The following PRELID2 variants were observed in gnomAD, a reference collection of about 807,000 sequenced individuals.
PRELID2 encodes PRELI domain-containing protein 2.
In PRELID2, 25 loss-of-function variants were observed where a neutral mutation model predicts 28.4. The ratio of observed to expected loss-of-function variants is 0.88; its 90% confidence interval spans 0.64 to 1.23. PRELID2 has a LOEUF of 1.23. Among genes scored for constraint, PRELID2 ranks in the 50% most tolerant of loss-of-function variants. The pLI is 0.00. For missense variants in PRELID2, 201 were observed against 214.4 expected (o/e 0.94, Z 0.39); for synonymous variants, 76 against 71.6 (o/e 1.06, Z -0.31).
chr5:145,514,547 T>C (rs1454600809), intron 1 of PRELID2, among the ~76,000 whole-genome samples: 1 of 152,108 alleles, frequency 6.6e-6, no homozygotes, highest in Non-Finnish European at 1.5e-5. Flanking sequence ...ACAATAATAG[T>C]GGGAGACTTT....
chr5:145,282,398 G>A, the PRELID2 span, among the ~76,000 whole-genome samples: 1 of 152,100 alleles, frequency 6.6e-6, no homozygotes, highest in Non-Finnish European at 1.5e-5. Context: ...ATTATCAAGT[G>A]TGAAATATAA....
chr5:145,304,236 T>C, the PRELID2 span, among the ~76,000 whole-genome samples: 1 of 152,176 alleles, frequency 6.6e-6, no homozygotes, highest in African/African-American at 2.4e-5. Flanking sequence ...ATCTTATAAA[T>C]CAAATGTTCA....
intron 1 of PRELID2, among the ~76,000 whole-genome samples, chr5:145,675,142 A>T (rs998721021): frequency 1.3e-5 from 2 of 152,070 alleles, no homozygotes; most frequent in African/African-American, 4.8e-5. Flanking sequence ...ACCCAGAAAA[A>T]AACACTTGCC....
intron 1 of PRELID2, among the ~76,000 whole-genome samples, chr5:145,568,508 G>A (rs187660944): frequency 6.6e-6 from 1 of 152,310 alleles, no homozygotes; most frequent in East Asian, 1.9e-4. Flanking sequence ...GGAGGAACTT[G>A]CAAGGACTAT....
At chr5:145,525,165 T>G (rs1752597111) in intron 1 of PRELID2, among the ~76,000 whole-genome samples, 1 of 152,152 alleles carries the variant, frequency 6.6e-6, no homozygotes, top group African/African-American at 2.4e-5. Context: ...AAACCAAGAC[T>G]CAGAAGGTTA....
chr5:145,406,578 C>T, the PRELID2 span, among the ~76,000 whole-genome samples: 5 of 152,156 alleles, frequency 3.3e-5, no homozygotes, highest in Non-Finnish European at 5.9e-5. Flanking sequence ...GGAGACAGAA[C>T]TAATGTGGAG....
chr5:145,279,884 T>C, the PRELID2 span, among the ~76,000 whole-genome samples: 1 of 151,692 alleles, frequency 6.6e-6, no homozygotes, highest in African/African-American at 2.4e-5. Flanking sequence ...TGCCACCTCA[T>C]GGTGAAAACT....
At chr5:145,772,041 A>G (rs1758140491) in intron 5 of PRELID2, among the ~76,000 whole-genome samples, 1 of 152,236 alleles carries the variant, frequency 6.6e-6, no homozygotes. Context: ...GCAACTTTTA[A>G]TCTGATGCTG....
chr5:145,414,751 T>G, the PRELID2 span, among the ~76,000 whole-genome samples: 1 of 152,214 alleles, frequency 6.6e-6, no homozygotes, highest in African/African-American at 2.4e-5. Flanking sequence ...GAGTGCAATT[T>G]CAACCACCAT....
chr5:145,427,674 TA>T, the PRELID2 span, among the ~76,000 whole-genome samples: 11 of 151,194 alleles, frequency 7.3e-5, no homozygotes, highest in Middle Eastern at 3.5e-3. Flanking sequence ...ATAGAGTTTA[TA>T]ATCTATGAAA....
the PRELID2 span, among the ~76,000 whole-genome samples, chr5:145,231,371 C>T: frequency 4.6e-5 from 7 of 152,060 alleles, no homozygotes; most frequent in East Asian, 1.9e-4. Flanking sequence ...AAACACTGAA[C>T]CCAAAAGATT....
the PRELID2 span, among the ~76,000 whole-genome samples, chr5:145,294,289 T>C: frequency 1.3e-5 from 2 of 152,158 alleles, no homozygotes; most frequent in South Asian, 4.1e-4. Context: ...AATCAGAATT[T>C]CTAAAATGCT....
the PRELID2 span, chr5:145,229,334 G>C: frequency 5.4e-6 from 4 of 742,134 alleles, no homozygotes; most frequent in South Asian, 5.4e-5. Flanking sequence ...TCCCATCCTG[G>C]TCACTCCCAA....
At chr5:145,627,225 A>G (rs1490029386) in intron 1 of PRELID2, among the ~76,000 whole-genome samples, 1 of 151,620 alleles carries the variant, frequency 6.6e-6, no homozygotes, top group Non-Finnish European at 1.5e-5. Context: ...CATGAATGCA[A>G]CTGGAGGCCA....
intron 1 of PRELID2, among the ~76,000 whole-genome samples, chr5:145,654,356 C>G (rs1276519159): frequency 6.6e-6 from 1 of 152,138 alleles, no homozygotes; most frequent in Non-Finnish European, 1.5e-5. Flanking sequence ...TGAAAATATT[C>G]CAATCAATAG....
At chr5:145,483,282 T>A (rs1353270481) in intron 1 of PRELID2, among the ~76,000 whole-genome samples, 1 of 152,194 alleles carries the variant, frequency 6.6e-6, no homozygotes, top group African/African-American at 2.4e-5. Flanking sequence ...AGTGACACTC[T>A]GACCATTCTG....
At chr5:145,359,125 T>C in the PRELID2 span, among the ~76,000 whole-genome samples, 36 of 152,330 alleles carry the variant, frequency 2.4e-4, no homozygotes, top group African/African-American at 8.7e-4. Context: ...TCCAAACCTG[T>C]TCTTTTACTG....
chr5:145,508,397 G>C (rs982106922), intron 1 of PRELID2, among the ~76,000 whole-genome samples: 1 of 152,002 alleles, frequency 6.6e-6, no homozygotes, highest in Non-Finnish European at 1.5e-5. Context: ...AAAAGTTTTA[G>C]AAGGCTGCAC....
intron 1 of PRELID2, among the ~76,000 whole-genome samples, chr5:145,625,512 T>C (rs1480125538): frequency 3.3e-5 from 5 of 152,182 alleles, no homozygotes; most frequent in Admixed American, 6.5e-5. Context: ...TTATTTATTC[T>C]CTTCAAATGC....
Sources: allele counts gnomAD v4.1 joint callset (sites outside exome capture counted in the v4.1 genomes callset), GRCh38; gene constraint gnomAD v4.1.1; transcripts MANE v1.5; gene names NCBI Gene and HGNC (gene_info 2026-07-23, HGNC 2026-07-21).